The following LIMD1 variants were observed in gnomAD, a reference collection of about 807,000 sequenced individuals.
LIMD1 encodes LIM domain-containing protein 1.
A neutral mutation model predicts 58.4 loss-of-function variants in LIMD1; 23 were observed. That is an observed-to-expected ratio of 0.39 (90% CI 0.28 to 0.56). LIMD1 has a LOEUF of 0.56. Among genes scored for constraint, LIMD1 ranks in the 20% least tolerant of loss-of-function variants. The pLI, the probability that LIMD1 is intolerant of heterozygous loss-of-function variation, is 0.57. For synonymous variants in LIMD1, 334 were observed against 345.5 expected (o/e 0.97, Z 0.37); for missense variants, 838 against 855.5 (o/e 0.98, Z 0.25).
intron 1 of LIMD1, among the ~76,000 whole-genome samples, chr3:45,602,748 AG>A (rs896142186): frequency 6.6e-5 from 10 of 152,136 alleles, no homozygotes; most frequent in African/African-American, 2.4e-4. Context: ...GCATGACTAC[AG>A]ATGCCCTATC....
intron 2 of LIMD1, among the ~76,000 whole-genome samples, chr3:45,647,078 A>G (rs990898685): frequency 1.3e-5 from 2 of 152,248 alleles, no homozygotes; most frequent in African/African-American, 4.8e-5. Flanking sequence ...AAAAATGTAT[A>G]TGGGAGAAGA....
At chr3:45,611,930 C>A (rs1031592446) in intron 1 of LIMD1, among the ~76,000 whole-genome samples, 2 of 152,156 alleles carry the variant, frequency 1.3e-5, no homozygotes, top group Non-Finnish European at 2.9e-5. Context: ...GGAGAGGCAT[C>A]TCTGCCCAAA....
rs58663050 is a variant in LIMD1 at position 45,602,654 on chromosome 3, T to C, written c.1408+6367T>C. Among the ~76,000 whole-genome samples, 857 of 152,238 alleles carry C rather than the reference T, an allele frequency of 5.6e-3. 2 individuals carry two copies. Among genetic ancestry groups the C allele is most frequent in the African/African-American group, 0.019 (805 of 41,536 alleles). ...GGGAGCCTGTCTTACTTGATTTTAC[T>C]TTCCTGGCAATGCACAGGGTTAAAC... On this transcript the variant is annotated intron_variant, in intron 1 of 7. Transcript: ENST00000273317.
chr3:45,603,431 G>C (rs1243242867), intron 1 of LIMD1, among the ~76,000 whole-genome samples: 1 of 151,738 alleles, frequency 6.6e-6, no homozygotes, highest in Non-Finnish European at 1.5e-5. Context: ...GTGTGCCTCT[G>C]TCTGAGTGAC....
At chr3:45,658,535 CTTTTTTTTTTTTTTTTTTTTT>C (rs10572210) in intron 2 of LIMD1, among the ~76,000 whole-genome samples, 13 of 44,738 alleles carry the variant, frequency 2.9e-4, no homozygotes, top group Non-Finnish European at 5.4e-4. Flanking sequence ...CATGCAGATT[CTTTTTTTTTTTTTTTTTTTTT>C]TTTTTTTTTT....
intron 2 of LIMD1, among the ~76,000 whole-genome samples, chr3:45,655,681 G>T (rs1227070389): frequency 1.3e-5 from 2 of 152,184 alleles, no homozygotes; most frequent in Admixed American, 6.5e-5. Flanking sequence ...CTCACCTGGT[G>T]GTTCTGAAGC....
rs976791525 is a variant in LIMD1, at chr3:45,680,545, G to A, written c.*3486G>A. On this transcript the variant is annotated 3_prime_UTR_variant, in exon 8 of 8. Coordinates refer to ENST00000273317, the MANE Select transcript of LIMD1 (RefSeq NM_014240.3). ...TGCCCAGGATGGTCTGGAACTCCTG[G>A]GCTCAAGTGATCTGCCCACTTCCGC... The A allele has an allele frequency of 6.6e-6, 1 of 152,158 alleles. No homozygotes were observed. Among genetic ancestry groups the A allele is most frequent in the Non-Finnish European group, 1.5e-5 (1 of 68,032 alleles). The allele number at this position is 152,158 out of a possible 1,614,324, so 9.4% of individuals were successfully genotyped here.
At chr3:45,651,858 C>T (rs1248346112) in intron 2 of LIMD1, among the ~76,000 whole-genome samples, 1 of 151,984 alleles carries the variant, frequency 6.6e-6, no homozygotes, top group Non-Finnish European at 1.5e-5. Flanking sequence ...TCTCAAACTC[C>T]TGACCTCAGG....
At chr3:45,647,678 G>A (rs1334212172) in intron 2 of LIMD1, among the ~76,000 whole-genome samples, 1 of 152,232 alleles carries the variant, frequency 6.6e-6, no homozygotes, top group Non-Finnish European at 1.5e-5. Context: ...GGGCACAGCA[G>A]CGAGGAGGCC....
intron 1 of LIMD1, among the ~76,000 whole-genome samples, chr3:45,608,569 G>C (rs1024688100): frequency 2.6e-5 from 4 of 152,156 alleles, no homozygotes; most frequent in African/African-American, 9.7e-5. Flanking sequence ...CGCTGGGCAC[G>C]TGGCTCACAC....
intron 2 of LIMD1, among the ~76,000 whole-genome samples, chr3:45,658,297 A>C (rs1697371154): frequency 6.6e-6 from 1 of 152,074 alleles, no homozygotes; most frequent in East Asian, 1.9e-4. Context: ...AGTTTTTTAA[A>C]ATTTGGAATA....
intron 1 of LIMD1, among the ~76,000 whole-genome samples, chr3:45,617,060 G>A (rs757763190): frequency 1.6e-5 from 2 of 125,160 alleles, no homozygotes; most frequent in Non-Finnish European, 3.3e-5. Flanking sequence ...TTGAGACAGA[G>A]TCTAGCTCTG....
rs1317440121 is a variant in LIMD1 at position 45,653,820 on chromosome 3, G to A, written c.1511-11830G>A. On this transcript the variant is annotated intron_variant, in intron 2 of 7. Transcript: ENST00000273317. ...AGCTACTCAGGAGGCTGAGCCAGGAGGATGGCTTGAATCCAGAAGGCGGAG... is the reference window on the plus strand; with the variant it reads ...AGCTACTCAGGAGGCTGAGCCAGGAAGATGGCTTGAATCCAGAAGGCGGAG... Among the ~76,000 whole-genome samples the A allele has an allele frequency of 2.0e-5, 3 of 149,900 alleles. No individual in the cohort carries two copies. The Admixed American group carries it at 2.0e-4, about 10-fold the overall frequency.
chr3:45,607,427 T>A (rs1701478583), intron 1 of LIMD1, among the ~76,000 whole-genome samples: 1 of 152,086 alleles, frequency 6.6e-6, no homozygotes, highest in Admixed American at 6.5e-5. Flanking sequence ...CTCATCTTTC[T>A]TGTTGTGTGA....
intron 1 of LIMD1, among the ~76,000 whole-genome samples, chr3:45,619,379 AAAC>A (rs1342666032): frequency 6.6e-6 from 1 of 152,262 alleles, no homozygotes; most frequent in Non-Finnish European, 1.5e-5. Context: ...AATGTCAGAT[AAAC>A]AACAAATAAT....
In LIMD1 at chr3:45,594,778, AACAC is replaced by A. The variant is rs57091993; in HGVS notation, c.-39_-36del. On this transcript the variant is annotated 5_prime_UTR_variant, in exon 1 of 8. Transcript: ENST00000273317. ...TCGCCAGCATCTCCCCGCTGCCCTC[AACAC>A]ACACACACACACACACACACACACA... The A allele has an allele frequency of 5.1e-3, 3,734 of 730,048 alleles. 34 individuals carry two copies. The highest frequency in any genetic ancestry group is 0.012 in the African/African-American group (454 of 37,946). The allele number at this position is 730,048 out of a possible 1,614,324, so 45.2% of individuals were successfully genotyped here. A position where few individuals can be genotyped will look rare whatever the true frequency, so the allele number is the denominator to read the frequency against.
At position 45,595,424 on chromosome 3, in the gene LIMD1, A is replaced by G. The variant is rs765847686; in HGVS notation, c.545A>G (p.Asn182Ser). The change falls in exon 1 of 8, where the codon AAC (asparagine) becomes AGC (serine). Residue 182 changes from asparagine (N) to serine (S), a missense_variant. Transcript: ENST00000273317. ...CTCACTCATGGAGACTATTATGACA[A>G]CCTCTCCTTGGCAAGCCCAAAGTGG... ...SCLTHGDYYDNLSLASPKWGD... is the reference protein window; with the variant it reads ...SCLTHGDYYDSLSLASPKWGD... The G allele has an allele frequency of 1.5e-5, 24 of 1,613,714 alleles. No individual in the cohort carries two copies. The highest frequency in any genetic ancestry group is 1.1e-4 in the East Asian group (5 of 44,868).
At chr3:45,644,522 A>T (rs1343034001) in intron 2 of LIMD1, among the ~76,000 whole-genome samples, 1 of 152,162 alleles carries the variant, frequency 6.6e-6, no homozygotes, top group African/African-American at 2.4e-5. Flanking sequence ...TCCTCCACCC[A>T]TGGCGGCGCA....
chr3:45,617,153 C>T (rs1466454675), intron 1 of LIMD1, among the ~76,000 whole-genome samples: 1 of 151,670 alleles, frequency 6.6e-6, no homozygotes, highest in Admixed American at 6.6e-5. Flanking sequence ...CCTGCCTCGG[C>T]CTCCCTAGTA....
Sources: allele counts gnomAD v4.1 joint callset (sites outside exome capture counted in the v4.1 genomes callset), GRCh38; gene constraint gnomAD v4.1.1; transcripts MANE v1.5; gene names NCBI Gene and HGNC (gene_info 2026-07-23, HGNC 2026-07-21).